The following SPRED2 variants were observed in gnomAD, a reference collection of about 807,000 sequenced individuals.
SPRED2 encodes the protein sprouty-related, EVH1 domain-containing protein 2.
A neutral mutation model predicts 43.0 loss-of-function variants in SPRED2; 47 were observed. That is an observed-to-expected ratio of 1.09 (90% confidence interval 0.87 to 1.40). The LOEUF (loss-of-function observed/expected upper bound fraction) is 1.40. SPRED2 is among the 40% of genes most tolerant of loss of function. The probability of loss-of-function intolerance (pLI) is 0.00; values close to 1 mark genes in which losing one functional copy is unlikely to be tolerated. For missense variants in SPRED2, 561 were observed against 586.4 expected, an observed-to-expected ratio of 0.96 and a Z score of 0.45; for synonymous variants, 225 against 225.7, an observed-to-expected ratio of 1.00 and a Z score of 0.03.
chr2:65,344,376 T>C (rs1198148396), intron 2 of SPRED2: 1 of 362,780 alleles, frequency 2.8e-6, no homozygotes, highest in Non-Finnish European at 5.4e-6. Context: ...AAACACTGAC[T>C]TCACAGCTCA....
intron 2 of SPRED2, among the ~76,000 whole-genome samples, chr2:65,337,524 G>A (rs747303311): frequency 6.6e-6 from 1 of 152,076 alleles, no homozygotes; most frequent in African/African-American, 2.4e-5. Flanking sequence ...CCTCTCTGTC[G>A]AGTTCCCCAC....
intron 1 of SPRED2, among the ~76,000 whole-genome samples, chr2:65,409,762 A>G (rs534339615): frequency 5.3e-5 from 8 of 150,770 alleles, no homozygotes; most frequent in South Asian, 4.2e-4. Flanking sequence ...TAGGCTGGGC[A>G]TGGTGGCTCA....
chr2:65,396,258 T>A (rs959734080), intron 1 of SPRED2, among the ~76,000 whole-genome samples: 2 of 152,220 alleles, frequency 1.3e-5, no homozygotes, highest in South Asian at 2.1e-4. Context: ...AAAACTTCCC[T>A]CTCTGCACAG....
intron 1 of SPRED2, among the ~76,000 whole-genome samples, chr2:65,357,624 T>C (rs913424305): frequency 6.6e-6 from 1 of 152,190 alleles, no homozygotes; most frequent in African/African-American, 2.4e-5. Context: ...TCTTGGTCCC[T>C]TGAAATTTAC....
At chr2:65,431,919 G>T in intron 1 of SPRED2, 43 bp downstream of exon 1, 1 of 1,605,088 alleles carries the variant, frequency 6.2e-7, no homozygotes, top group Non-Finnish European at 8.5e-7. Flanking sequence ...CCCCCACGCT[G>T]CCCCTGAGGG....
chr2:65,324,720 G>C (rs1397459287), intron 4 of SPRED2, among the ~76,000 whole-genome samples: 1 of 152,152 alleles, frequency 6.6e-6, no homozygotes, highest in African/African-American at 2.4e-5. Flanking sequence ...GGGAGGGAAG[G>C]AACCACCAGG....
chr2:65,359,764 C>T (rs1224166620), intron 1 of SPRED2, among the ~76,000 whole-genome samples: 1 of 151,916 alleles, frequency 6.6e-6, no homozygotes. Flanking sequence ...CCCGTCTCTA[C>T]CAAAAATGCA....
intron 1 of SPRED2, among the ~76,000 whole-genome samples, chr2:65,396,571 C>T (rs1675762408): frequency 6.6e-6 from 1 of 152,188 alleles, no homozygotes; most frequent in African/African-American, 2.4e-5. Context: ...GAGGGAGTTC[C>T]AAGCTTTGAA....
intron 1 of SPRED2, among the ~76,000 whole-genome samples, chr2:65,399,016 T>G (rs1459507981): frequency 2.0e-5 from 3 of 152,202 alleles, no homozygotes. Flanking sequence ...CGGTGGCTCA[T>G]GCCTGTAATC....
At chr2:65,331,062 T>C (rs1418950510) in intron 4 of SPRED2, among the ~76,000 whole-genome samples, 11 of 152,224 alleles carry the variant, frequency 7.2e-5, no homozygotes. Context: ...ATATGTGTCC[T>C]GGGTCACAAC....
chr2:65,318,283 T>C (rs768814976), intron 4 of SPRED2, among the ~76,000 whole-genome samples: 58 of 152,062 alleles, frequency 3.8e-4, no homozygotes, highest in Admixed American at 7.2e-4. Context: ...CTTTTGAAAA[T>C]TGCCCGGTCT....
At chr2:65,333,132 G>A (rs1673861929) in intron 3 of SPRED2, among the ~76,000 whole-genome samples, 1 of 151,922 alleles carries the variant, frequency 6.6e-6, no homozygotes, top group South Asian at 2.1e-4. Context: ...TGGGTGTGAT[G>A]GCGGGCGCCT....
chr2:65,310,843 G>A, downstream of SPRED2: 2 of 984,174 alleles, frequency 2.0e-6, no homozygotes, highest in Non-Finnish European at 2.4e-6. Context: ...ATACCCCAAA[G>A]CCAGCGATCT....
chr2:65,371,559 A>G (rs914254788), intron 1 of SPRED2, among the ~76,000 whole-genome samples: 1 of 152,196 alleles, frequency 6.6e-6, no homozygotes, highest in African/African-American at 2.4e-5. Context: ...GTTACCTAGT[A>G]GAGCCGGGCC....
intron 4 of SPRED2, among the ~76,000 whole-genome samples, chr2:65,321,470 G>A (rs1370631956): frequency 6.7e-5 from 9 of 133,878 alleles, no homozygotes; most frequent in African/African-American, 2.3e-4. Context: ...TCAAGAGTTC[G>A]AGACCAGCCT....
rs140158401 is a variant in SPRED2, at chr2:65,409,377, G to A, written c.26+22585C>T. On this transcript the variant is annotated intron_variant, in intron 1 of 5. Coordinates refer to ENST00000356388, the MANE Select transcript of SPRED2 (RefSeq NM_181784.3). ...AATTTAAAACATTAACTGTTGAAAT[G>A]AGAATTTTTAGATACACTAAATAAT... Among the ~76,000 whole-genome samples the A allele has an allele frequency of 7.2e-5, 11 of 152,284 alleles. No individual in the cohort carries two copies. The East Asian group carries it at 1.7e-3, about 24-fold the overall frequency.
intron 1 of SPRED2, among the ~76,000 whole-genome samples, chr2:65,401,954 C>G (rs1447755130): frequency 6.6e-6 from 1 of 151,218 alleles, no homozygotes; most frequent in Non-Finnish European, 1.5e-5. Flanking sequence ...CACACACACA[C>G]ACACACACAC....
intron 1 of SPRED2, among the ~76,000 whole-genome samples, chr2:65,347,092 G>A (rs972941327): frequency 3.3e-5 from 5 of 151,938 alleles, no homozygotes; most frequent in African/African-American, 1.2e-4. Context: ...CCTGCTCTCC[G>A]ACCACCTCGT....
intron 2 of SPRED2, among the ~76,000 whole-genome samples, chr2:65,337,689 A>G (rs559772212): frequency 6.6e-6 from 1 of 152,228 alleles, no homozygotes; most frequent in East Asian, 1.9e-4. Context: ...TATGTCATAG[A>G]GATACAGGAA....
Sources: gnomAD v4.1 joint callset for allele counts (sites outside exome capture counted in the v4.1 genomes callset) on GRCh38, gnomAD v4.1.1 for gene constraint, MANE v1.5 for transcripts, NCBI Gene and HGNC (gene_info 2026-07-23, HGNC 2026-07-21) for gene names.